The following ENOX1 variants were observed in gnomAD, a reference collection of about 807,000 sequenced individuals.
The protein encoded by ENOX1 is ecto-NOX disulfide-thiol exchanger 1, also known as candidate growth-related and time keeping constitutive hydroquinone (NADH) oxidase.
In ENOX1, 42 loss-of-function variants were observed where a neutral mutation model predicts 82.5. The ratio of observed to expected loss-of-function variants is 0.51; its 90% confidence interval spans 0.40 to 0.66. The LOEUF (loss-of-function observed/expected upper bound fraction) is 0.66. Among genes scored for constraint, ENOX1 ranks in the 30% least tolerant of loss-of-function variants. The probability of loss-of-function intolerance (pLI) is 0.00; values close to 1 mark genes in which losing one functional copy is unlikely to be tolerated. For missense variants in ENOX1, 608 were observed against 811.6 expected, an observed-to-expected ratio of 0.75 and a Z score of 3.05; for synonymous variants, 271 against 282.2, an observed-to-expected ratio of 0.96 and a Z score of 0.40.
intron 2 of ENOX1, chr13:43,547,657 A>C (rs533107272): frequency 6.6e-6 from 1 of 152,372 alleles, no homozygotes; most frequent in African/African-American, 2.4e-5. Flanking sequence ...CAAACAGCAC[A>C]GGAAACTTTA....
intron 5 of ENOX1, among the ~76,000 whole-genome samples, chr13:43,362,532 T>C (rs1475643935): frequency 6.6e-6 from 1 of 152,128 alleles, no homozygotes; most frequent in African/African-American, 2.4e-5. Flanking sequence ...TCACTTCCAG[T>C]CTTCCTTCCT....
At chr13:43,775,462 T>C (rs1594766696) in intron 1 of ENOX1, among the ~76,000 whole-genome samples, 3 of 152,146 alleles carry the variant, frequency 2.0e-5, no homozygotes, top group Admixed American at 6.5e-5. Context: ...TTTTCAGTAC[T>C]TGAGTTTTCT....
chr13:43,482,091 C>T (rs913466362), intron 3 of ENOX1, among the ~76,000 whole-genome samples: 1 of 152,064 alleles, frequency 6.6e-6, no homozygotes. Flanking sequence ...AAGATTCCTC[C>T]ACAAATTAAA....
chr13:43,584,456 A>G (rs2080886983), intron 2 of ENOX1, among the ~76,000 whole-genome samples: 1 of 152,244 alleles, frequency 6.6e-6, no homozygotes, highest in South Asian at 2.1e-4. Flanking sequence ...CAGGGTGAAC[A>G]GTCCTATCAG....
intron 9 of ENOX1, among the ~76,000 whole-genome samples, chr13:43,333,403 T>A (rs888999706): frequency 2.6e-5 from 4 of 152,242 alleles, no homozygotes; most frequent in African/African-American, 7.2e-5. Flanking sequence ...GTGATATGTA[T>A]GTTTGCAGTT....
chr13:43,784,179 TATAA>T (rs1219217508), intron 1 of ENOX1, among the ~76,000 whole-genome samples: 5 of 152,236 alleles, frequency 3.3e-5, no homozygotes, highest in African/African-American at 1.2e-4. Flanking sequence ...AAATTACGTG[TATAA>T]ATATACAACT....
intron 9 of ENOX1, among the ~76,000 whole-genome samples, chr13:43,337,957 C>T (rs2048811723): frequency 6.6e-6 from 1 of 152,180 alleles, no homozygotes; most frequent in Non-Finnish European, 1.5e-5. Context: ...TTTATCCATG[C>T]TCATTATATG....
At chr13:43,284,333 T>C (rs1480078409) in intron 12 of ENOX1, among the ~76,000 whole-genome samples, 1 of 151,192 alleles carries the variant, frequency 6.6e-6, no homozygotes, top group Non-Finnish European at 1.5e-5. Flanking sequence ...AATCATGGCA[T>C]ACCACCCTAT....
At chr13:43,579,110 A>G (rs555466696) in intron 2 of ENOX1, among the ~76,000 whole-genome samples, 6 of 152,092 alleles carry the variant, frequency 3.9e-5, no homozygotes, top group South Asian at 2.1e-4. Context: ...TAGCTATGTC[A>G]TAGGGTTGCT....
chr13:43,396,097 T>A (rs959290706), intron 5 of ENOX1, among the ~76,000 whole-genome samples: 2 of 152,236 alleles, frequency 1.3e-5, no homozygotes, highest in African/African-American at 4.8e-5. Context: ...TGAGACCATC[T>A]AATCGCTAGC....
chr13:43,568,688 GT>G (rs5803188), intron 2 of ENOX1, among the ~76,000 whole-genome samples: 3 of 147,610 alleles, frequency 2.0e-5, no homozygotes, highest in African/African-American at 7.5e-5. Context: ...CAACTCCAGA[GT>G]TTTTTTTTTT....
intron 12 of ENOX1, among the ~76,000 whole-genome samples, chr13:43,297,035 A>T (rs1009168580): frequency 1.3e-5 from 2 of 152,158 alleles, no homozygotes; most frequent in African/African-American, 4.8e-5. Flanking sequence ...CTGTAATGAC[A>T]TTTTCCTGGC....
At chr13:43,430,472 C>CT (rs576598505) in intron 3 of ENOX1, among the ~76,000 whole-genome samples, 10 of 151,530 alleles carry the variant, frequency 6.6e-5, no homozygotes, top group Admixed American at 2.0e-4. Context: ...TTTATTCCCT[C>CT]TTTTTTTTTG....
intron 12 of ENOX1, among the ~76,000 whole-genome samples, chr13:43,297,176 T>C (rs987803026): frequency 1.3e-5 from 2 of 152,178 alleles, no homozygotes; most frequent in Non-Finnish European, 2.9e-5. Context: ...TTTGTACGAG[T>C]TGGTTATTAA....
At chr13:43,421,476 A>G (rs539823508) in intron 3 of ENOX1, among the ~76,000 whole-genome samples, 146 of 152,308 alleles carry the variant, frequency 9.6e-4, no homozygotes, top group African/African-American at 3.4e-3. Flanking sequence ...GTTATGTCCC[A>G]AAAGCATAAG....
intron 2 of ENOX1, among the ~76,000 whole-genome samples, chr13:43,646,744 C>T (rs1172301682): frequency 2.6e-5 from 4 of 152,146 alleles, no homozygotes; most frequent in African/African-American, 9.7e-5. Context: ...GTGACAAAAG[C>T]CAGATAGAGT....
chr13:43,586,207 C>T (rs112645857), intron 2 of ENOX1, among the ~76,000 whole-genome samples: 28 of 152,198 alleles, frequency 1.8e-4, no homozygotes, highest in South Asian at 4.2e-4. Flanking sequence ...CACCAAACTG[C>T]CCCAGAGGGT....
At chr13:43,641,683 C>T (rs1342982816) in intron 2 of ENOX1, among the ~76,000 whole-genome samples, 1 of 151,590 alleles carries the variant, frequency 6.6e-6, no homozygotes, top group East Asian at 1.9e-4. Flanking sequence ...CAGGCACCCG[C>T]CACCATGTCC....
intron 16 of ENOX1, among the ~76,000 whole-genome samples, chr13:43,215,459 C>A (rs1234101663): frequency 2.0e-5 from 3 of 152,210 alleles, no homozygotes; most frequent in Non-Finnish European, 4.4e-5. Flanking sequence ...TTCATAATAA[C>A]TTTGAGAAGT....
Sources: allele counts gnomAD v4.1 joint callset (sites outside exome capture counted in the v4.1 genomes callset), GRCh38; gene constraint gnomAD v4.1.1; transcripts MANE v1.5; gene names NCBI Gene and HGNC (gene_info 2026-07-23, HGNC 2026-07-21).